CCDC170: variants seen among roughly 807,000 people sequenced by gnomAD.
CCDC170 encodes coiled-coil domain-containing protein 170.
In CCDC170, 69 loss-of-function variants were observed where a neutral mutation model predicts 72.6. The ratio of observed to expected loss-of-function variants is 0.95; its 90% CI spans 0.78 to 1.16. The LOEUF (loss-of-function observed/expected upper bound fraction) is 1.16, where lower values mean the gene tolerates loss of function less well. Ranked by LOEUF, CCDC170 falls within the 50% of genes most tolerant of loss-of-function variation. The pLI, the probability that CCDC170 is intolerant of heterozygous loss-of-function variation, is 0.00. For synonymous variants in CCDC170, 300 were observed against 303.9 expected, an observed-to-expected ratio of 0.99 and a Z score of 0.13; for missense variants, 852 against 832.5, an observed-to-expected ratio of 1.02 and a Z score of -0.29.
intron 5 of CCDC170, among the ~76,000 whole-genome samples, chr6:151,549,987 A>G (rs781266981): frequency 9.9e-5 from 15 of 151,994 alleles, no homozygotes; most frequent in Non-Finnish European, 2.2e-4. Flanking sequence ...AAGGACATGG[A>G]CCTTGTAATT....
intron 6 of CCDC170, among the ~76,000 whole-genome samples, chr6:151,575,533 T>TC (rs1337473580): frequency 8.6e-6 from 1 of 115,912 alleles, no homozygotes; most frequent in Non-Finnish European, 1.8e-5. Context: ...TTCTTTTTTT[T>TC]TTTTTTTTTT....
At position 151,596,400 on chromosome 6, in the gene CCDC170, A is replaced by T. The variant is rs549058340; in HGVS notation, c.1533A>T (p.Ile511=). 18 of 1,614,162 alleles carry T rather than the reference A, an allele frequency of 1.1e-5. No individual in the cohort carries two copies. Among genetic ancestry groups the T allele is most frequent in the Non-Finnish European group, 1.5e-5 (18 of 1,180,014 alleles). ...ELHMSLLRQK[I]AQLEEEKQAR... is the part of the protein sequence containing the mutation. Reference sequence around the variant, plus strand: ...ACATGAGCCTCCTCCGGCAGAAAATAGCCCAGCTGGAGGAGGAGAAGCAGG... The same window carrying T: ...ACATGAGCCTCCTCCGGCAGAAAATTGCCCAGCTGGAGGAGGAGAAGCAGG... Residue 511 remains isoleucine, a synonymous_variant, in exon 9 of 11, where the codon ATA becomes ATT. Coordinates refer to ENST00000239374, the MANE Select transcript of CCDC170 (RefSeq NM_025059.4).
At chr6:151,552,136 A>G (rs1049744671) in intron 5 of CCDC170, among the ~76,000 whole-genome samples, 1 of 150,192 alleles carries the variant, frequency 6.7e-6, no homozygotes, top group Non-Finnish European at 1.5e-5. Context: ...TTGTTTCTCT[A>G]TATCCTGTAA....
intron 5 of CCDC170, among the ~76,000 whole-genome samples, chr6:151,562,037 A>G (rs1776041310): frequency 6.6e-6 from 1 of 151,872 alleles, no homozygotes; most frequent in Non-Finnish European, 1.5e-5. Flanking sequence ...ATTATTTTGA[A>G]ATTACTTTAG....
At chr6:151,537,017 A>T (rs1250653074) in intron 2 of CCDC170, among the ~76,000 whole-genome samples, 1 of 152,072 alleles carries the variant, frequency 6.6e-6, no homozygotes, top group Admixed American at 6.6e-5. Context: ...GCGCCTGAAG[A>T]TGTTAAGTAA....
chr6:151,572,869 G>A (rs1245007924), intron 5 of CCDC170, among the ~76,000 whole-genome samples: 1 of 151,684 alleles, frequency 6.6e-6, no homozygotes, highest in Non-Finnish European at 1.5e-5. Context: ...GGCCAGGCTG[G>A]TCTTGAACTC....
chr6:151,610,773 C>T (rs1219447649), intron 9 of CCDC170, among the ~76,000 whole-genome samples: 1 of 152,208 alleles, frequency 6.6e-6, no homozygotes, highest in Admixed American at 6.5e-5. Context: ...CAGGTGCCTG[C>T]TCTACTGGTG....
intron 3 of CCDC170, among the ~76,000 whole-genome samples, chr6:151,544,124 T>TA (rs1300471850): frequency 6.6e-6 from 1 of 152,182 alleles, no homozygotes; most frequent in Non-Finnish European, 1.5e-5. Context: ...AGGACCCTTA[T>TA]AAATCACTGT....
At chr6:151,569,655 G>A (rs1282263275) in intron 5 of CCDC170, among the ~76,000 whole-genome samples, 1 of 152,146 alleles carries the variant, frequency 6.6e-6, no homozygotes, top group East Asian at 1.9e-4. Flanking sequence ...CGCTTGCTTC[G>A]GCGTATCCTT....
In CCDC170 at chr6:151,596,565, C is replaced by A; in HGVS notation, c.1698C>A (p.Thr566=). 1 of 1,613,974 alleles carries A rather than the reference C, an allele frequency of 6.2e-7. No homozygotes were observed. Among genetic ancestry groups the A allele is most frequent in the Non-Finnish European group, 8.5e-7 (1 of 1,179,938 alleles). ...AGCTCAAAGCCAAACTGGCCGACAC[C>A]AATGAACTGAAGGCAAGTGCTTGGC... is the stretch of plus-strand genomic sequence containing the variant. ...HTELKAKLAD[T]NELKIKTLEQ... The change falls in exon 9 of 11, where the codon ACC becomes ACA. Residue 566 remains threonine (T), a synonymous_variant. Coordinates refer to ENST00000239374, the MANE Select transcript of CCDC170 (RefSeq NM_025059.4).
At chr6:151,546,390 C>T (rs1325029063) in intron 4 of CCDC170, among the ~76,000 whole-genome samples, 1 of 152,194 alleles carries the variant, frequency 6.6e-6, no homozygotes, top group African/African-American at 2.4e-5. Context: ...CCGTGACACA[C>T]TTTTCTCTAT....
intron 6 of CCDC170, among the ~76,000 whole-genome samples, chr6:151,580,125 C>T (rs900423580): frequency 2.6e-5 from 4 of 152,182 alleles, no homozygotes; most frequent in Non-Finnish European, 2.9e-5. Context: ...TTGATGTCTA[C>T]AGAAGGCTTG....
Position 151,581,275 on chromosome 6 carries a change from C to G in CCDC170, c.1093-4614C>G, listed in dbSNP as rs567676978. Among the ~76,000 whole-genome samples the G allele has an allele frequency of 2.0e-5, 3 of 152,312 alleles. No individual in the cohort carries two copies. The South Asian group carries it at 6.2e-4, about 32-fold the overall frequency. On this transcript the variant is annotated intron_variant, in intron 6 of 10. Transcript: ENST00000239374. ...CTAAATTGAGGTCAATCCTCTCAAA[C>G]CTTGCTGCTTTTTTGTCAGCTAAAT... is the stretch of plus-strand genomic sequence containing the variant.
intron 8 of CCDC170, among the ~76,000 whole-genome samples, chr6:151,595,319 C>A (rs970514451): frequency 4.8e-4 from 73 of 152,072 alleles, no homozygotes; most frequent in African/African-American, 1.7e-3. Context: ...CTCTAATTTC[C>A]TTTTTTAGGT....
chr6:151,613,459 C>G (rs577654642), intron 9 of CCDC170, among the ~76,000 whole-genome samples: 111 of 152,292 alleles, frequency 7.3e-4, no homozygotes, highest in African/African-American at 2.6e-3. Context: ...GCAAATGGCA[C>G]CACTATCATA....
intron 5 of CCDC170, 24 bp downstream of exon 5, chr6:151,548,513 T>C: frequency 6.7e-7 from 1 of 1,486,350 alleles, no homozygotes; most frequent in Non-Finnish European, 9.0e-7. Context: ...AGTATACGTG[T>C]GCATCTGGGA....
intron 9 of CCDC170, among the ~76,000 whole-genome samples, chr6:151,597,850 C>G (rs1562295512): frequency 6.6e-6 from 1 of 152,232 alleles, no homozygotes; most frequent in Non-Finnish European, 1.5e-5. Flanking sequence ...AACATCCTGG[C>G]TCTTTGCAGA....
chr6:151,591,940 C>T (rs1481563393), intron 7 of CCDC170, among the ~76,000 whole-genome samples: 2 of 143,982 alleles, frequency 1.4e-5, no homozygotes, highest in Non-Finnish European at 2.9e-5. Flanking sequence ...TGGCAACTGG[C>T]TAAGTTGCCA....
intron 6 of CCDC170, among the ~76,000 whole-genome samples, chr6:151,584,410 TC>T (rs1224152073): frequency 1.3e-5 from 2 of 152,212 alleles, no homozygotes; most frequent in East Asian, 3.8e-4. Context: ...TGACACATTC[TC>T]ATGATGAATT....
Sources: allele counts gnomAD v4.1 joint callset (sites outside exome capture counted in the v4.1 genomes callset), GRCh38; gene constraint gnomAD v4.1.1; transcripts MANE v1.5; gene names NCBI Gene and HGNC (gene_info 2026-07-23, HGNC 2026-07-21).